SLCO1B3: variants seen among roughly 807,000 people sequenced by gnomAD.
SLCO1B3 encodes solute carrier organic anion transporter family member 1B3.
Under a neutral mutation model 71.8 loss-of-function variants are expected in SLCO1B3, and 72 were observed. That is an observed-to-expected ratio of 1.00 (90% CI 0.83 to 1.22). The LOEUF is 1.22. Among genes scored for constraint, SLCO1B3 ranks in the 50% most tolerant of loss-of-function variants. The pLI is 0.00. For synonymous variants in SLCO1B3, 298 were observed against 278.4 expected (o/e 1.07, Z -0.70); for missense variants, 911 against 819.7 (o/e 1.11, Z -1.36).
chr12:20,889,695 G>T (rs1003351580), intron 13 of SLCO1B3, among the ~76,000 whole-genome samples: 5 of 152,014 alleles, frequency 3.3e-5, no homozygotes, highest in African/African-American at 1.2e-4. Flanking sequence ...ATCTCATTTA[G>T]ATTTTTTCTT....
At chr12:20,868,148 T>A (rs1050426541) in intron 8 of SLCO1B3, among the ~76,000 whole-genome samples, 10 of 152,200 alleles carry the variant, frequency 6.6e-5, no homozygotes, top group Admixed American at 2.0e-4. Flanking sequence ...CTGTTTATGC[T>A]ATTGGTAAGA....
chr12:20,836,941 C>A (rs1036982220), intron 3 of SLCO1B3, among the ~76,000 whole-genome samples: 7 of 152,138 alleles, frequency 4.6e-5, no homozygotes, highest in African/African-American at 1.7e-4. Context: ...GTGCTAGGCC[C>A]ATTCTTTCTG....
At position 20,819,361 on chromosome 12, in the gene SLCO1B3, G is replaced by A. The variant is rs1864250418; in HGVS notation, c.84+3539G>A. ...AAATTTGCGCTTGACTGAAGTAATG[G>A]GGTCTGTCTGTGAAGCCTTGTGGCA... On this transcript the variant is annotated intron_variant, in intron 3 of 15. Transcript: ENST00000381545. Among the ~76,000 whole-genome samples, 9 of 152,290 alleles carry A rather than the reference G, an allele frequency of 5.9e-5. No homozygotes were observed. In the South Asian group the frequency reaches 1.9e-3, roughly 32 times the overall value.
rs1235092538 is a variant in SLCO1B3 at position 20,858,547 on chromosome 12, CT to C, written c.338del (p.Leu113TyrfsTer31). 6.2e-7 allele frequency: 1 copy of C among 1,605,828 alleles called. No homozygotes were observed. The highest frequency in any genetic ancestry group is 8.5e-7 in the Non-Finnish European group (1 of 1,172,754). On this transcript the variant is annotated frameshift_variant, in exon 5 of 16. Transcript: ENST00000381545. LOFTEE classifies it high-confidence loss of function. Reference protein sequence around the residue: ...LLMGTGSILTSLPHFFMGYYR... With the variant: ...LLMGTGSILTXLPHFFMGYYR... ...ATGGGAACTGGAAGTATTTTGACAT[CT>C]TTACCACATTTCTTCATGGGATAGT...
chr12:20,858,826 A>G (rs989692552), intron 5 of SLCO1B3: 2 of 205,534 alleles, frequency 9.7e-6, no homozygotes, highest in East Asian at 1.0e-4. Context: ...TTTATATGAA[A>G]TGAATATCTT....
chr12:20,814,536 G>A (rs1591737794), intron 2 of SLCO1B3, among the ~76,000 whole-genome samples: 1 of 152,210 alleles, frequency 6.6e-6, no homozygotes, highest in South Asian at 2.1e-4. Flanking sequence ...AAGGTAGAGT[G>A]CAGTAATACT....
chr12:20,861,189 C>G (rs542884095), intron 6 of SLCO1B3, 51 bp downstream of exon 6: 7 of 1,469,830 alleles, frequency 4.8e-6, no homozygotes, highest in Non-Finnish European at 6.4e-6. Flanking sequence ...TAGATTTAAT[C>G]ACGTCTATAA....
chr12:20,877,751 G>A lies in SLCO1B3; in HGVS notation c.971-21G>A, dbSNP rs770963277. ...AATATATATTTTATTATTGAAATAT[G>A]TTATTTTTATAACTCTATAGGTTTT... On this transcript the variant is annotated intron_variant, in intron 9 of 15. Coordinates refer to ENST00000381545, the MANE Select transcript of SLCO1B3 (RefSeq NM_019844.4). The A allele has an allele frequency of 7.1e-6, 8 of 1,132,800 alleles. No individual in the cohort carries two copies. The East Asian group carries it at 1.7e-4, about 25-fold the overall frequency. The allele number at this position is 1,132,800 out of a possible 1,614,324, so 70.2% of individuals were successfully genotyped here. A position where few individuals can be genotyped will look rare whatever the true frequency, so the allele number is the denominator to read the frequency against.
rs1864593021 is a variant in SLCO1B3, at chr12:20,833,586, A to T, written c.84+17764A>T. 2.7e-5 allele frequency among the ~76,000 whole-genome samples: 4 copies of T among 148,512 alleles called. No homozygotes were observed. The South Asian group carries it at 6.3e-4, about 23-fold the overall frequency. On this transcript the variant is annotated intron_variant, in intron 3 of 15. Transcript: ENST00000381545. ...ACTATATATACATGAATATATACAT[A>T]TATTGCATATATACACTATATATAG...
chr12:20,882,927 C>T (rs545583315), intron 12 of SLCO1B3, among the ~76,000 whole-genome samples: 2 of 152,268 alleles, frequency 1.3e-5, no homozygotes, highest in African/African-American at 4.8e-5. Flanking sequence ...TAATAATATA[C>T]TATATCTTGT....
At chr12:20,900,156 T>C (rs1304518411) in intron 14 of SLCO1B3, among the ~76,000 whole-genome samples, 2 of 152,222 alleles carry the variant, frequency 1.3e-5, no homozygotes, top group Non-Finnish European at 2.9e-5. Flanking sequence ...GCTGTGATTT[T>C]TTGAAATCTG....
intron 4 of SLCO1B3, among the ~76,000 whole-genome samples, chr12:20,855,736 T>TTTATATAATAATTGAAAATA (rs1301822603): frequency 6.6e-6 from 1 of 150,942 alleles, no homozygotes; most frequent in East Asian, 1.9e-4. Context: ...ATAGTGAGAT[T>TTTATATAATAATTGAAAATA]TTATATAATA....
chr12:20,869,159 C>T (rs1354202765), intron 8 of SLCO1B3, among the ~76,000 whole-genome samples: 2 of 152,120 alleles, frequency 1.3e-5, no homozygotes, highest in Non-Finnish European at 2.9e-5. Flanking sequence ...CTCCCTTTCC[C>T]GGTCTGCTAA....
chr12:20,909,644 G>A (rs1343855461), intron 15 of SLCO1B3, among the ~76,000 whole-genome samples: 1 of 152,014 alleles, frequency 6.6e-6, no homozygotes, highest in Non-Finnish European at 1.5e-5. Context: ...TTTTCTCTCA[G>A]TCTGTGGCCT....
chr12:20,856,798 G>A (rs1738476976), intron 4 of SLCO1B3, among the ~76,000 whole-genome samples: 1 of 152,144 alleles, frequency 6.6e-6, no homozygotes, highest in Non-Finnish European at 1.5e-5. Flanking sequence ...AGCCTCAAGT[G>A]ATCTGCTAGC....
intron 3 of SLCO1B3, among the ~76,000 whole-genome samples, chr12:20,848,297 T>TTTAA (rs1864955723): frequency 6.6e-6 from 1 of 152,180 alleles, no homozygotes; most frequent in Non-Finnish European, 1.5e-5. Flanking sequence ...CATTACATAC[T>TTTAA]TATTAGAGTG....
intron 15 of SLCO1B3, chr12:20,902,172 G>C: frequency 4.6e-6 from 1 of 217,280 alleles, no homozygotes; most frequent in South Asian, 5.4e-5. Flanking sequence ...ATATTGCTTT[G>C]TGTATATACC....
At chr12:20,845,445 C>T (rs1056545788) in intron 3 of SLCO1B3, among the ~76,000 whole-genome samples, 16 of 152,260 alleles carry the variant, frequency 1.1e-4, no homozygotes, top group African/African-American at 3.4e-4. Flanking sequence ...CTGTGACTAC[C>T]GCATTTGTCT....
intron 3 of SLCO1B3, among the ~76,000 whole-genome samples, chr12:20,833,428 T>A (rs1438108408): frequency 2.0e-5 from 3 of 149,874 alleles, no homozygotes; most frequent in African/African-American, 7.3e-5. Flanking sequence ...AGTTTATATA[T>A]GTTTACTATA....
Sources: allele counts gnomAD v4.1 joint callset (sites outside exome capture counted in the v4.1 genomes callset), GRCh38; gene constraint gnomAD v4.1.1; transcripts MANE v1.5; gene names NCBI Gene and HGNC (gene_info 2026-07-23, HGNC 2026-07-21).